DTX1: variants seen among roughly 807,000 people sequenced by gnomAD.
The protein encoded by DTX1 is E3 ubiquitin-protein ligase DTX1.
A neutral mutation model predicts 57.8 loss-of-function variants in DTX1; 26 were observed. The ratio of observed to expected loss-of-function variants is 0.45; its 90% CI spans 0.33 to 0.62. The LOEUF (loss-of-function observed/expected upper bound fraction) is 0.62, where lower values mean the gene tolerates loss of function less well. Among genes scored for constraint, DTX1 ranks in the 20% least tolerant of loss-of-function variants. The pLI is 0.02. For synonymous variants in DTX1, 398 were observed against 394.1 expected (o/e 1.01, Z -0.12); for missense variants, 704 against 895.3 (o/e 0.79, Z 2.73).
chr12:113,073,467 T>A (rs141124242), intron 2 of DTX1, among the ~76,000 whole-genome samples: 149 of 152,320 alleles, frequency 9.8e-4, no homozygotes, highest in African/African-American at 3.4e-3. Flanking sequence ...TTTGTCTGAT[T>A]GGCTGGAACA....
rs113458817 is a variant in DTX1, at chr12:113,097,374, A to G, written c.*435A>G. On this transcript the variant is annotated 3_prime_UTR_variant, in exon 10 of 10. Transcript: ENST00000548759. ...GTCTGCAAACTGGAGGATGCGGGGC[A>G]AGCCCTTAGGGGCCTGCCAGGGCTC... The G allele has an allele frequency of 1.4e-3, 220 of 156,854 alleles. No homozygotes were observed. Among genetic ancestry groups the G allele is most frequent in the Non-Finnish European group, 2.6e-3 (182 of 71,244 alleles). The allele number at this position is 156,854 out of a possible 1,614,324, so 9.7% of individuals were successfully genotyped here.
At chr12:113,091,530 G>A (rs372241867) in intron 3 of DTX1, among the ~76,000 whole-genome samples, 4 of 152,030 alleles carry the variant, frequency 2.6e-5, no homozygotes, top group South Asian at 2.1e-4. Context: ...AATGTGTCCC[G>A]GGGAGTATGA....
chr12:113,094,852 A>G lies in DTX1; in HGVS notation c.1291A>G (p.Lys431Glu). 6.2e-7 allele frequency: 1 copy of G among 1,613,834 alleles called. No homozygotes were observed. The highest frequency in any genetic ancestry group is 2.2e-5 in the East Asian group (1 of 44,882). The change falls in exon 7 of 10, where the codon AAG becomes GAG. Residue 431 changes from lysine (K) to glutamate (E), a missense_variant. This residue lies in a region of DTX1 where 299 missense variants were observed against 311.2 expected (regional missense o/e 0.96). Coordinates refer to ENST00000548759, the MANE Select transcript of DTX1 (RefSeq NM_004416.3). ...ASGYEGVLRH[K>E]GVRPELVGRL... ...AGGCTACGAGGGCGTGCTTCGGCACAAGGGCGTGCGGCCTGAGCTCGTGGG... is the reference window on the plus strand; with the variant it reads ...AGGCTACGAGGGCGTGCTTCGGCACGAGGGCGTGCGGCCTGAGCTCGTGGG...
intron 3 of DTX1, among the ~76,000 whole-genome samples, chr12:113,091,694 C>T (rs970117934): frequency 6.8e-6 from 1 of 146,814 alleles, no homozygotes; most frequent in Non-Finnish European, 1.5e-5. Context: ...AAGATGCTTT[C>T]TGGTGCCAAC....
intron 2 of DTX1, among the ~76,000 whole-genome samples, chr12:113,059,965 T>TA (rs1279189467): frequency 6.6e-6 from 1 of 152,196 alleles, no homozygotes; most frequent in Non-Finnish European, 1.5e-5. Flanking sequence ...AAAGTTCTAT[T>TA]ACACCATGCT....
rs1397400375 is a variant in DTX1 at position 113,077,338 on chromosome 12, C to A, written c.260-86C>A. On this transcript the variant is annotated intron_variant, in intron 2 of 9. Transcript: ENST00000548759. The surrounding 1 kb of genome is among the most constrained non-coding windows in gnomAD (Gnocchi z 7.8). Reference sequence around the variant, plus strand: ...CTGTGCTGACCCCCCAACCTCCCGCCCACCCTTGCCTGGCTGTGGCCCGCC... The same window carrying A: ...CTGTGCTGACCCCCCAACCTCCCGCACACCCTTGCCTGGCTGTGGCCCGCC... 6.9e-7 allele frequency: 1 copy of A among 1,457,192 alleles called. No homozygotes were observed. 90.3% of individuals were successfully genotyped at this position (1,457,192 alleles called of 1,614,324 possible). A position where few individuals can be genotyped will look rare whatever the true frequency, so the allele number is the denominator to read the frequency against.
At chr12:113,069,588 C>T (rs564704857) in intron 2 of DTX1, among the ~76,000 whole-genome samples, 3 of 152,116 alleles carry the variant, frequency 2.0e-5, no homozygotes, top group East Asian at 1.9e-4. Flanking sequence ...CAGAACACTG[C>T]GGGATTATTG....
chr12:113,057,384 G>C (rs963551486), intron 1 of DTX1, 65 bp from the exon 2 acceptor site: 1 of 152,610 alleles, frequency 6.6e-6, no homozygotes, highest in East Asian at 1.9e-4. Flanking sequence ...TGCTCTCCTG[G>C]GAAGGGGGGA....
Position 113,093,126 on chromosome 12 carries a change from G to A in DTX1, c.942-36G>A, listed in dbSNP as rs1950259457. 3.8e-6 allele frequency: 6 copies of A among 1,566,176 alleles called. No homozygotes were observed. In the East Asian group the frequency reaches 1.4e-4, roughly 37 times the overall value. On this transcript the variant is annotated intron_variant, in intron 3 of 9. Coordinates refer to ENST00000548759, the MANE Select transcript of DTX1 (RefSeq NM_004416.3). The surrounding 1 kb of genome is among the most constrained non-coding windows in gnomAD (Gnocchi z 4.2). ...GTCCCCTGACGTCGCTTCGGGGGCT[G>A]GAGTCCAGCTGCGGCCTCTTCTCTT... is the stretch of plus-strand genomic sequence containing the variant.
chr12:113,091,612 C>T (rs964882815), intron 3 of DTX1, among the ~76,000 whole-genome samples: 3 of 124,940 alleles, frequency 2.4e-5, no homozygotes, highest in Non-Finnish European at 5.9e-5. Context: ...GGTGTGTGCC[C>T]TGGGTGTGTA....
intron 3 of DTX1, among the ~76,000 whole-genome samples, chr12:113,078,886 T>C (rs2044795234): frequency 6.6e-6 from 1 of 151,998 alleles, no homozygotes; most frequent in Non-Finnish European, 1.5e-5. Context: ...ACTCCCGGGG[T>C]GACCTGGAAT....
At position 113,077,909 on chromosome 12, in the gene DTX1, C is replaced by T; in HGVS notation, c.745C>T (p.Pro249Ser). The change falls in exon 3 of 10, where the codon CCC becomes TCC. Residue 249 changes from proline (P) to serine (S), a missense_variant. Pro to Ser is a moderately conservative substitution (Grantham distance 74). Coordinates refer to ENST00000548759, the MANE Select transcript of DTX1 (RefSeq NM_004416.3). The surrounding 1 kb of genome is among the most constrained non-coding windows in gnomAD (Gnocchi z 7.8). ...GCCTCCAGGCGCGCTTGCCGTGCGC[C>T]CCAGCGCCACCTTCACAGGCGCCGC... is the stretch of plus-strand genomic sequence containing the variant. ...GGPPGALAVR[P>S]SATFTGAALW... The T allele has an allele frequency of 1.7e-6, 2 of 1,205,200 alleles. No homozygotes were observed. The highest frequency in any genetic ancestry group is 1.0e-6 in the Non-Finnish European group (1 of 974,288). 74.7% of individuals were successfully genotyped at this position (1,205,200 alleles called of 1,614,324 possible).
chr12:113,086,777 C>T (rs1334376777), intron 3 of DTX1, among the ~76,000 whole-genome samples: 3 of 152,070 alleles, frequency 2.0e-5, no homozygotes, highest in Non-Finnish European at 4.4e-5. Flanking sequence ...AAAGTACTGA[C>T]AGGTACACTG....
chr12:113,063,353 C>G (rs762139351), intron 2 of DTX1, among the ~76,000 whole-genome samples: 4 of 152,224 alleles, frequency 2.6e-5, no homozygotes, highest in Admixed American at 6.5e-5. Context: ...GCCACTGGGA[C>G]AGCCGCCTCC....
chr12:113,074,067 C>T (rs1005305968), intron 2 of DTX1, among the ~76,000 whole-genome samples: 3 of 149,448 alleles, frequency 2.0e-5, no homozygotes, highest in South Asian at 2.1e-4. Context: ...CCCGTCTCTA[C>T]GAAAAATACA....
chr12:113,095,159 A>G lies in DTX1; in HGVS notation c.1504A>G (p.Thr502Ala). Residue 502 changes from threonine (T) to alanine (A), a missense_variant, in exon 8 of 10, where the codon ACC becomes GCC. By Grantham distance (58) the Thr-to-Ala change is moderately conservative. Around this residue, in one of 3 missense-constraint regions of DTX1, gnomAD observed 168 missense variants for 255.6 expected, o/e 0.66. Coordinates refer to ENST00000548759, the MANE Select transcript of DTX1 (RefSeq NM_004416.3). ...IPHSLPGFPDTQTIRIVYDIP... is the reference protein window; with the variant it reads ...IPHSLPGFPDAQTIRIVYDIP... Reference sequence around the variant, plus strand: ...CCACTCGCTGCCCGGCTTCCCTGATACCCAGACCATCCGCATCGTCTATGA... The same window carrying G: ...CCACTCGCTGCCCGGCTTCCCTGATGCCCAGACCATCCGCATCGTCTATGA... The G allele has an allele frequency of 6.2e-7, 1 of 1,613,050 alleles. No individual in the cohort carries two copies. Among genetic ancestry groups the G allele is most frequent in the Non-Finnish European group, 8.5e-7 (1 of 1,179,184 alleles).
chr12:113,064,031 C>T (rs557176914), intron 2 of DTX1, among the ~76,000 whole-genome samples: 7 of 152,318 alleles, frequency 4.6e-5, no homozygotes, highest in African/African-American at 1.7e-4. Context: ...CCCCTTCCCC[C>T]TTCCCCCTTC....
At chr12:113,079,828 G>A (rs909430302) in intron 3 of DTX1, among the ~76,000 whole-genome samples, 7 of 151,748 alleles carry the variant, frequency 4.6e-5, no homozygotes, top group African/African-American at 1.7e-4. Flanking sequence ...CAAAGTGCTG[G>A]GATTACAGGC....
At chr12:113,066,293 CTAAGG>C (rs2044703174) in intron 2 of DTX1, among the ~76,000 whole-genome samples, 1 of 152,122 alleles carries the variant, frequency 6.6e-6, no homozygotes, top group Non-Finnish European at 1.5e-5. Context: ...CTTTGGGAGG[CTAAGG>C]TGAGTGGATC....
Sources: allele counts gnomAD v4.1 joint callset (sites outside exome capture counted in the v4.1 genomes callset), GRCh38; gene constraint gnomAD v4.1.1; regional missense constraint gnomAD v4.1.1; non-coding constraint Gnocchi (gnomAD v3.1); transcripts MANE v1.5; gene names NCBI Gene and HGNC (gene_info 2026-07-23, HGNC 2026-07-21).